The following MDGA2 variants were observed in gnomAD, a reference collection of about 807,000 sequenced individuals.
MDGA2 encodes the protein MAM domain containing glycosylphosphatidylinositol anchor 2.
MDGA2 carries 40 observed loss-of-function variants against 117.8 expected under a neutral mutation model. That is an observed-to-expected ratio of 0.34 (90% CI 0.26 to 0.44). MDGA2 has a LOEUF of 0.44. Ranked by LOEUF, MDGA2 falls within the 20% of genes least tolerant of loss-of-function variation. The probability of loss-of-function intolerance (pLI) is 1.00; values close to 1 mark genes in which losing one functional copy is unlikely to be tolerated. For missense variants in MDGA2, 1,123 were observed against 1,250.6 expected, an observed-to-expected ratio of 0.90 and a Z score of 1.54; for synonymous variants, 452 against 439.0, an observed-to-expected ratio of 1.03 and a Z score of -0.37.
At chr14:47,438,601 A>G (rs936502618) in intron 1 of MDGA2, among the ~76,000 whole-genome samples, 3 of 152,180 alleles carry the variant, frequency 2.0e-5, no homozygotes, top group Non-Finnish European at 4.4e-5. Context: ...TTCAAGAGAC[A>G]GGAGCCAGAA....
intron 1 of MDGA2, among the ~76,000 whole-genome samples, chr14:47,466,239 G>T (rs1383886243): frequency 1.3e-5 from 2 of 151,822 alleles, no homozygotes; most frequent in Non-Finnish European, 2.9e-5. Flanking sequence ...TTCCTGGGTG[G>T]CAAAATAATC....
At chr14:47,223,563 G>T (rs183166637) in intron 2 of MDGA2, among the ~76,000 whole-genome samples, 24 of 152,184 alleles carry the variant, frequency 1.6e-4, no homozygotes, top group Admixed American at 5.2e-4. Flanking sequence ...TACAAGAAAG[G>T]CTAGGAAATA....
intron 10 of MDGA2, among the ~76,000 whole-genome samples, chr14:46,887,255 C>T (rs1882710653): frequency 6.6e-6 from 1 of 151,942 alleles, no homozygotes; most frequent in African/African-American, 2.4e-5. Flanking sequence ...ATCCCACAAA[C>T]CCTAGCAGGT....
chr14:47,313,809 T>G (rs1889718011), intron 1 of MDGA2, among the ~76,000 whole-genome samples: 2 of 152,026 alleles, frequency 1.3e-5, no homozygotes, highest in African/African-American at 4.8e-5. Flanking sequence ...AGTACAGTTG[T>G]GGGGGGAAGC....
intron 1 of MDGA2, among the ~76,000 whole-genome samples, chr14:47,602,590 T>C (rs11850399): frequency 0.12 from 17,992 of 152,198 alleles, 1,260 homozygotes; most frequent in Non-Finnish European, 0.13. Flanking sequence ...AAAAACTATT[T>C]ACAGTAAGGA....
intron 1 of MDGA2, among the ~76,000 whole-genome samples, chr14:47,670,261 G>A (rs1026922209): frequency 3.9e-5 from 6 of 152,212 alleles, no homozygotes; most frequent in South Asian, 2.1e-4. Flanking sequence ...CCAAATCACC[G>A]TTTGATTTGG....
Position 47,165,812 on chromosome 14 carries a change from T to C in MDGA2, c.596-21538A>G, listed in dbSNP as rs150655886. Among the ~76,000 whole-genome samples, 531 of 152,278 alleles carry C rather than the reference T, an allele frequency of 3.5e-3. 3 individuals carry two copies. Among genetic ancestry groups the C allele is most frequent in the African/African-American group, 0.012 (501 of 41,562 alleles). ...TAATGGAACTATAAGTCCTCATACATAGATATTTTTGGCTCTTGTAATAAA... is the reference window on the plus strand; with the variant it reads ...TAATGGAACTATAAGTCCTCATACACAGATATTTTTGGCTCTTGTAATAAA... On this transcript the variant is annotated intron_variant, in intron 3 of 16. Transcript: ENST00000399232.
At chr14:47,537,744 C>T (rs760116774) in intron 1 of MDGA2, among the ~76,000 whole-genome samples, 2 of 151,988 alleles carry the variant, frequency 1.3e-5, no homozygotes, top group Non-Finnish European at 2.9e-5. Context: ...TGATCCTGTG[C>T]AAAAGAATTG....
At chr14:46,872,046 C>A (rs1595010475) in intron 14 of MDGA2, 1 of 173,894 alleles carries the variant, frequency 5.8e-6, no homozygotes. Context: ...TGTCAGTATA[C>A]TGTGAAGAAT....
At chr14:47,284,165 C>A (rs1594772321) in intron 2 of MDGA2, among the ~76,000 whole-genome samples, 1 of 152,214 alleles carries the variant, frequency 6.6e-6, no homozygotes, top group South Asian at 2.1e-4. Context: ...AGAAGAAGCA[C>A]CCATCCCAAA....
At chr14:46,977,427 G>C (rs1886506686) in intron 8 of MDGA2, among the ~76,000 whole-genome samples, 1 of 151,764 alleles carries the variant, frequency 6.6e-6, no homozygotes, top group South Asian at 2.1e-4. Flanking sequence ...TCATTTTCTA[G>C]AATAAGTAAC....
At chr14:47,174,870 T>G (rs953920066) in intron 3 of MDGA2, among the ~76,000 whole-genome samples, 1 of 152,012 alleles carries the variant, frequency 6.6e-6, no homozygotes, top group African/African-American at 2.4e-5. Flanking sequence ...GCGGGTTTTT[T>G]GAAAGGATCA....
At chr14:47,521,784 A>G (rs942786635) in intron 1 of MDGA2, among the ~76,000 whole-genome samples, 1 of 151,784 alleles carries the variant, frequency 6.6e-6, no homozygotes, top group Non-Finnish European at 1.5e-5. Flanking sequence ...TGATTCTCCT[A>G]CCTCAGCCTC....
chr14:46,855,088 C>G lies in MDGA2; in HGVS notation c.2819G>C (p.Ser940Thr), dbSNP rs778590423. 10 of 1,611,882 alleles carry G rather than the reference C, an allele frequency of 6.2e-6. No homozygotes were observed. The highest frequency in any genetic ancestry group is 8.5e-6 in the Non-Finnish European group (10 of 1,178,676). ...ATTCCATCTTTGTCCTTTATTCCCACTTGAAGACCACAGTGGATTCTCTAT... is the reference window on the plus strand; with the variant it reads ...ATTCCATCTTTGTCCTTTATTCCCAGTTGAAGACCACAGTGGATTCTCTAT... ...TTIENPLWSS[S>T]GNKGQRWNEA... is the part of the protein sequence containing the mutation. The change falls in exon 15 of 17, where the codon AGT becomes ACT. Residue 940 changes from serine to threonine, a missense_variant. Ser to Thr is a moderately conservative substitution (Grantham distance 58, BLOSUM62 1). This residue lies in a region of MDGA2 where 890 missense variants were observed against 1,050.3 expected (regional missense o/e 0.85). Transcript: ENST00000399232. This position sits in a 1 kb window ranked among gnomAD's most constrained non-coding sequence, Gnocchi z 4.1.
At chr14:47,523,883 G>T (rs1054935680) in intron 1 of MDGA2, among the ~76,000 whole-genome samples, 2 of 152,174 alleles carry the variant, frequency 1.3e-5, no homozygotes, top group Non-Finnish European at 2.9e-5. Context: ...AAGTTGAAAG[G>T]TGTATCAAAT....
chr14:46,901,121 C>A (rs1883266869), intron 10 of MDGA2, among the ~76,000 whole-genome samples: 1 of 142,178 alleles, frequency 7.0e-6, no homozygotes, highest in Admixed American at 7.8e-5. Flanking sequence ...AATACTTACA[C>A]ACAAACTTGT....
Position 46,888,365 on chromosome 14 carries a change from T to C in MDGA2, c.2239-6144A>G, listed in dbSNP as rs569647082. On this transcript the variant is annotated intron_variant, in intron 10 of 16. Transcript: ENST00000399232. Reference sequence around the variant, plus strand: ...AGATGACAATCCCAGATCATACTTATAAGCATGATGATATGTAAGTAAGTG... The same window carrying C: ...AGATGACAATCCCAGATCATACTTACAAGCATGATGATATGTAAGTAAGTG... Among the ~76,000 whole-genome samples the C allele has an allele frequency of 1.3e-3, 195 of 152,024 alleles. 2 individuals carry two copies. The highest frequency in any genetic ancestry group is 4.5e-3 in the African/African-American group (185 of 41,542).
chr14:47,067,956 C>T (rs1024200390), intron 6 of MDGA2, among the ~76,000 whole-genome samples: 1 of 152,024 alleles, frequency 6.6e-6, no homozygotes, highest in Non-Finnish European at 1.5e-5. Flanking sequence ...ACTCCATTTG[C>T]CAATCTAGTC....
chr14:47,078,652 GAAATA>G, intron 6 of MDGA2, among the ~76,000 whole-genome samples: 1 of 152,150 alleles, frequency 6.6e-6, no homozygotes, highest in East Asian at 1.9e-4. Flanking sequence ...TTTCACTAGA[GAAATA>G]AAATAATCTT....
Sources: gnomAD v4.1 joint callset for allele counts (sites outside exome capture counted in the v4.1 genomes callset) on GRCh38, gnomAD v4.1.1 for gene constraint, gnomAD v4.1.1 regional missense constraint, Gnocchi (gnomAD v3.1) non-coding constraint, MANE v1.5 for transcripts, NCBI Gene and HGNC (gene_info 2026-07-23, HGNC 2026-07-21) for gene names.